Variants in ZNF563 observed in about 807,000 individuals in gnomAD.
ZNF563 encodes zinc finger protein 563.
A neutral mutation model predicts 48.5 loss-of-function variants in ZNF563; 39 were observed. The ratio of observed to expected loss-of-function variants is 0.80; its 90% CI spans 0.62 to 1.05. ZNF563 has a LOEUF of 1.05. ZNF563 is among the 50% of genes least tolerant of loss of function. ZNF563 has a pLI of 0.00. For synonymous variants in ZNF563, 168 were observed against 187.9 expected (o/e 0.89, Z 0.87); for missense variants, 538 against 597.0 (o/e 0.90, Z 1.03).
chr19:12,327,277 T>C (rs921917918), intron 1 of ZNF563, among the ~76,000 whole-genome samples: 1 of 151,816 alleles, frequency 6.6e-6, no homozygotes, highest in Non-Finnish European at 1.5e-5. Context: ...CTGGCCAACA[T>C]GGTGAAACCT....
upstream of ZNF563, chr19:12,333,650 G>T: frequency 9.9e-7 from 1 of 1,011,996 alleles, no homozygotes; most frequent in South Asian, 1.9e-5. Flanking sequence ...AGAGCTGAGC[G>T]CAGGGGCGTG....
chr19:12,325,435 A>C (rs1346776054), intron 1 of ZNF563, among the ~76,000 whole-genome samples: 1 of 146,454 alleles, frequency 6.8e-6, no homozygotes, highest in African/African-American at 2.5e-5. Context: ...GTGCCACTGC[A>C]CTCCAGCCTG....
rs1968497959 is a variant in ZNF563 at position 12,318,682 on chromosome 19, G to A, written c.1343C>T (p.Pro448Leu). The A allele has an allele frequency of 2.5e-6, 4 of 1,613,934 alleles. No individual in the cohort carries two copies. Among genetic ancestry groups the A allele is most frequent in the African/African-American group, 1.3e-5 (1 of 74,868 alleles). Residue 448 changes from proline (P) to leucine (L), a missense_variant, in exon 4 of 4, where the codon CCG (proline) becomes CTG (leucine). Coordinates refer to ENST00000293725, the MANE Select transcript of ZNF563 (RefSeq NM_145276.3). ...TTTCCCACATACCTTGCATTTATTC[G>A]GCCCATCTCCCGTATGCATTACCAT... Reference protein sequence around the residue: ...RHMVMHTGDGPNKCKVCGKAF... With the variant: ...RHMVMHTGDGLNKCKVCGKAF...
At chr19:12,320,317 GTTTT>G (rs942481068) in intron 3 of ZNF563, among the ~76,000 whole-genome samples, 1 of 143,998 alleles carries the variant, frequency 6.9e-6, no homozygotes, top group African/African-American at 2.5e-5. Context: ...CACCAGCTGG[GTTTT>G]TTTTTTTTCC....
chr19:12,334,437 C>A (rs553189229), upstream of ZNF563, among the ~76,000 whole-genome samples: 1 of 152,234 alleles, frequency 6.6e-6, no homozygotes, highest in South Asian at 2.1e-4. Context: ...CAGAGTGAAC[C>A]AAAACCTGGT....
chr19:12,328,239 C>T (rs1968840323), intron 1 of ZNF563, among the ~76,000 whole-genome samples: 3 of 152,174 alleles, frequency 2.0e-5, no homozygotes, highest in African/African-American at 7.2e-5. Context: ...GTGGTGCCAC[C>T]ACTTTGGGAG....
At chr19:12,333,650 G>A (rs933647248), upstream of ZNF563, 6 of 1,011,874 alleles carry the variant, frequency 5.9e-6, no homozygotes, top group African/African-American at 1.7e-5. Context: ...AGAGCTGAGC[G>A]CAGGGGCGTG....
rs1968537502 is a variant in ZNF563 at position 12,319,324 on chromosome 19, A to G, written c.701T>C (p.Phe234Ser). Residue 234 changes from phenylalanine to serine, a missense_variant, in exon 4 of 4, where the codon TTT (phenylalanine) becomes TCT (serine). By Grantham distance (155) the Phe-to-Ser change is radical. Transcript: ENST00000293725. ...TCTTCGATAGGAACTGTAAAAAGGA[A>G]AGGCTTTAGAACACTGCTTACATTC... ...PYECKQCSKA[F>S]PFYSSYRRHE... The G allele has an allele frequency of 6.2e-7, 1 of 1,614,120 alleles. No individual in the cohort carries two copies. The highest frequency in any genetic ancestry group is 1.1e-5 in the South Asian group (1 of 91,086).
At chr19:12,336,520 A>T (rs1167501849), upstream of ZNF563, among the ~76,000 whole-genome samples, 1 of 152,230 alleles carries the variant, frequency 6.6e-6, no homozygotes, top group Non-Finnish European at 1.5e-5. Flanking sequence ...TGAACCCAGG[A>T]GGTGGAGGTT....
chr19:12,345,066 C>A, the ZNF563 span, among the ~76,000 whole-genome samples: 650 of 152,194 alleles, frequency 4.3e-3, 1 homozygote, highest in African/African-American at 0.015. Context: ...AACTACAAAA[C>A]ATTCTTGAAG....
Position 12,318,312 on chromosome 19 carries a change from CA to C in ZNF563, c.*281del. ...CCAGCCTCATGTACTTTTAAGTTAC[CA>C]AAATGACTGAAGGCTTCCCTACATA... On this transcript the variant is annotated 3_prime_UTR_variant, in exon 4 of 4. Coordinates refer to ENST00000293725, the MANE Select transcript of ZNF563 (RefSeq NM_145276.3). 2.2e-6 allele frequency: 1 copy of C among 449,730 alleles called. No homozygotes were observed. The allele number at this position is 449,730 out of a possible 1,614,324, so 27.9% of individuals were successfully genotyped here.
At chr19:12,323,693 C>T (rs1338457187) in intron 1 of ZNF563, among the ~76,000 whole-genome samples, 1 of 152,200 alleles carries the variant, frequency 6.6e-6, no homozygotes, top group East Asian at 1.9e-4. Flanking sequence ...AAAAAACAGA[C>T]TAAGCCAGCC....
Position 12,319,846 on chromosome 19 carries a change from A to T in ZNF563, c.192-13T>A, listed in dbSNP as rs747216700. The stretch of plus-strand genomic sequence containing the variant: ...TACCATATGACATCTGTAAAAAATG[A>T]GTAGTACGTTACTAAATAGTTGTTT... On this transcript the variant is annotated splice_polypyrimidine_tract_variant and intron_variant, in intron 3 of 3. Transcript: ENST00000293725. 3.1e-6 allele frequency: 5 copies of T among 1,603,120 alleles called. No homozygotes were observed. The highest frequency in any genetic ancestry group is 1.7e-6 in the Non-Finnish European group (2 of 1,173,364).
chr19:12,325,792 T>C (rs1159850950), intron 1 of ZNF563, among the ~76,000 whole-genome samples: 2 of 152,174 alleles, frequency 1.3e-5, no homozygotes, highest in Admixed American at 1.3e-4. Flanking sequence ...TTTTTGTATG[T>C]TTCATCTTCC....
the ZNF563 span, among the ~76,000 whole-genome samples, chr19:12,340,227 C>T: frequency 6.6e-6 from 1 of 151,854 alleles, no homozygotes; most frequent in Non-Finnish European, 1.5e-5. Context: ...CTAGCTACTC[C>T]GGAAGCTGAG....
the ZNF563 span, among the ~76,000 whole-genome samples, chr19:12,340,625 A>C: frequency 6.6e-6 from 1 of 152,102 alleles, no homozygotes. Context: ...AAAAATACAA[A>C]AATTAGCCAG....
In ZNF563 at chr19:12,319,293, C is replaced by T. The variant is rs768689479; in HGVS notation, c.732G>A (p.Glu244=). 11 of 1,613,598 alleles carry T rather than the reference C, an allele frequency of 6.8e-6. No homozygotes were observed. Among genetic ancestry groups the T allele is most frequent in the Non-Finnish European group, 8.5e-6 (10 of 1,179,924 alleles). Residue 244 remains glutamate, a synonymous_variant, in exon 4 of 4, where the codon GAG becomes GAA. Coordinates refer to ENST00000293725, the MANE Select transcript of ZNF563 (RefSeq NM_145276.3). ...FPFYSSYRRH[E]RMHTGEKPYE... is the part of the protein sequence containing the mutation. ...ACGGTTTCTCCCCAGTGTGCATTCT[C>T]TCATGTCTTCGATAGGAACTGTAAA... is the stretch of plus-strand genomic sequence containing the variant.
At chr19:12,332,297 A>G (rs1381202553) in intron 1 of ZNF563, among the ~76,000 whole-genome samples, 4 of 152,128 alleles carry the variant, frequency 2.6e-5, no homozygotes, top group Non-Finnish European at 5.9e-5. Flanking sequence ...AATTTAAACA[A>G]AAGAGAATGC....
At chr19:12,325,209 C>T (rs1354981837) in intron 1 of ZNF563, among the ~76,000 whole-genome samples, 2 of 152,082 alleles carry the variant, frequency 1.3e-5, no homozygotes, top group Non-Finnish European at 2.9e-5. Context: ...AGGCCAGGCA[C>T]GGTGGCTCAT....
Sources: allele counts gnomAD v4.1 joint callset (sites outside exome capture counted in the v4.1 genomes callset), GRCh38; gene constraint gnomAD v4.1.1; transcripts MANE v1.5; gene names NCBI Gene and HGNC (gene_info 2026-07-23, HGNC 2026-07-21).